Variants in ZSWIM6 observed in about 807,000 individuals in gnomAD.
The protein encoded by ZSWIM6 is zinc finger SWIM domain-containing protein 6.
ZSWIM6 carries 9 observed loss-of-function variants against 113.2 expected under a neutral mutation model. That is an observed-to-expected ratio of 0.08 (90% CI 0.05 to 0.14). The LOEUF (loss-of-function observed/expected upper bound fraction) is 0.14, where lower values mean the gene tolerates loss of function less well. ZSWIM6 is among the 10% of genes least tolerant of loss of function. ZSWIM6 has a pLI of 1.00. For synonymous variants in ZSWIM6, 611 were observed against 606.5 expected (o/e 1.01, Z -0.11); for missense variants, 1,162 against 1,552.2 (o/e 0.75, Z 4.22).
chr5:61,444,457 A>G (rs1381429231), intron 1 of ZSWIM6, among the ~76,000 whole-genome samples: 1 of 152,170 alleles, frequency 6.6e-6, no homozygotes, highest in Admixed American at 6.5e-5. Context: ...CTTTGGGTAT[A>G]TACCCAGTAA....
At chr5:61,457,539 G>A (rs1424954403) in intron 1 of ZSWIM6, among the ~76,000 whole-genome samples, 1 of 151,430 alleles carries the variant, frequency 6.6e-6, no homozygotes, top group Non-Finnish European at 1.5e-5. Flanking sequence ...TTTATTTTTT[G>A]AGACAGAGTT....
In ZSWIM6 at chr5:61,431,500, C is replaced by T. The variant is rs181206172; in HGVS notation, c.677-41181C>T. On this transcript the variant is annotated intron_variant, in intron 1 of 13. Coordinates refer to ENST00000252744, the MANE Select transcript of ZSWIM6 (RefSeq NM_020928.2). ...GTAGCTCACCCCTGAAATCCCAGCA[C>T]TTTGGGAGACCGAGGCAGGCAGATC... 2.5e-3 allele frequency among the ~76,000 whole-genome samples: 376 copies of T among 151,526 alleles called. 3 individuals are homozygous for T. Among genetic ancestry groups the T allele is most frequent in the Admixed American group, 0.023 (352 of 15,222 alleles).
At chr5:61,362,231 C>G (rs1214289883) in intron 1 of ZSWIM6, among the ~76,000 whole-genome samples, 1 of 151,280 alleles carries the variant, frequency 6.6e-6, no homozygotes, top group East Asian at 1.9e-4. Context: ...CAGTGTCTCG[C>G]TCTGTACCCC....
chr5:61,391,251 C>G (rs1016640949), intron 1 of ZSWIM6: 16 of 900,616 alleles, frequency 1.8e-5, no homozygotes, highest in Non-Finnish European at 3.0e-5. Context: ...ACACTTGGTT[C>G]ACAGGTACCT....
Position 61,539,764 on chromosome 5 carries a change from A to G in ZSWIM6, c.2703+5A>G, listed in dbSNP as rs1191898299. 1 of 1,549,510 alleles carries G rather than the reference A, an allele frequency of 6.5e-7. No individual in the cohort carries two copies. The highest frequency in any genetic ancestry group is 8.7e-7 in the Non-Finnish European group (1 of 1,145,788). Reference sequence around the variant, plus strand: ...TCTCTGGAGCTGGGCCTGCAGGTACATGACTGGTAGTCTTTCCTGGGACAT... The same window carrying G: ...TCTCTGGAGCTGGGCCTGCAGGTACGTGACTGGTAGTCTTTCCTGGGACAT... On this transcript the variant is annotated splice_donor_5th_base_variant and intron_variant, in intron 12 of 13. Coordinates refer to ENST00000252744, the MANE Select transcript of ZSWIM6 (RefSeq NM_020928.2).
intron 1 of ZSWIM6, among the ~76,000 whole-genome samples, chr5:61,442,109 G>A (rs1746851347): frequency 6.6e-6 from 1 of 152,150 alleles, no homozygotes; most frequent in African/African-American, 2.4e-5. Flanking sequence ...GCCAATCATG[G>A]TGGGTGTGGG....
chr5:61,423,573 C>T (rs1377262438), intron 1 of ZSWIM6, among the ~76,000 whole-genome samples: 1 of 152,122 alleles, frequency 6.6e-6, no homozygotes, highest in Non-Finnish European at 1.5e-5. Context: ...GAGGCAACCA[C>T]TTTTAGTGAA....
At chr5:61,391,726 T>C in intron 1 of ZSWIM6, 1 of 1,151,922 alleles carries the variant, frequency 8.7e-7, no homozygotes, top group Non-Finnish European at 1.3e-6. Context: ...GCCAGCCTTG[T>C]ATCCCAGGAA....
intron 1 of ZSWIM6, among the ~76,000 whole-genome samples, chr5:61,469,526 A>G (rs902327093): frequency 2.6e-5 from 4 of 152,220 alleles, no homozygotes; most frequent in African/African-American, 2.4e-5. Flanking sequence ...CTTTACAAGA[A>G]TAGTAAATTT....
At chr5:61,477,196 T>C (rs1252507577) in intron 2 of ZSWIM6, among the ~76,000 whole-genome samples, 1 of 152,126 alleles carries the variant, frequency 6.6e-6, no homozygotes, top group Non-Finnish European at 1.5e-5. Context: ...AGGGACAGTC[T>C]GATGGGAAAC....
intron 4 of ZSWIM6, among the ~76,000 whole-genome samples, chr5:61,499,359 GTCTC>G (rs144116198): frequency 2.0e-5 from 3 of 152,064 alleles, no homozygotes; most frequent in African/African-American, 4.8e-5. Flanking sequence ...TCTTATTGTG[GTCTC>G]TCTATCAGTG....
intron 1 of ZSWIM6, among the ~76,000 whole-genome samples, chr5:61,403,186 A>G (rs1045257895): frequency 2.0e-5 from 3 of 152,224 alleles, no homozygotes; most frequent in African/African-American, 7.2e-5. Flanking sequence ...AGGTAACTCT[A>G]GTCCTTTAAG....
intron 1 of ZSWIM6, among the ~76,000 whole-genome samples, chr5:61,396,788 C>T (rs1411018491): frequency 6.6e-6 from 1 of 151,796 alleles, no homozygotes; most frequent in Non-Finnish European, 1.5e-5. Context: ...TTACCTGTTG[C>T]TAAATAAAAA....
chr5:61,366,472 T>C (rs1266454959), intron 1 of ZSWIM6, among the ~76,000 whole-genome samples: 1 of 152,206 alleles, frequency 6.6e-6, no homozygotes, highest in African/African-American at 2.4e-5. Flanking sequence ...CAAAACTAGA[T>C]GTTACAATGT....
intron 5 of ZSWIM6, 82 bp from the exon 6 acceptor site, chr5:61,525,718 C>A: frequency 6.7e-7 from 1 of 1,482,912 alleles, no homozygotes; most frequent in Non-Finnish European, 9.1e-7. Flanking sequence ...TGTTCATGAA[C>A]ATCTGGCCAC....
At chr5:61,423,713 C>T (rs1579989160) in intron 1 of ZSWIM6, among the ~76,000 whole-genome samples, 2 of 152,276 alleles carry the variant, frequency 1.3e-5, no homozygotes, top group African/African-American at 4.8e-5. Flanking sequence ...GCATTCAGCA[C>T]TGCACAAATT....
At chr5:61,351,170 A>AT in intron 1 of ZSWIM6, among the ~76,000 whole-genome samples, 1 of 152,216 alleles carries the variant, frequency 6.6e-6, no homozygotes, top group African/African-American at 2.4e-5. Context: ...ATCGAGGTGT[A>AT]TCATGCCTTA....
At chr5:61,446,631 A>G (rs535448504) in intron 1 of ZSWIM6, among the ~76,000 whole-genome samples, 86 of 152,342 alleles carry the variant, frequency 5.6e-4, no homozygotes, top group African/African-American at 2.0e-3. Flanking sequence ...ACAAAAATAT[A>G]TACTAACAAT....
intron 9 of ZSWIM6, among the ~76,000 whole-genome samples, chr5:61,532,336 G>A (rs915943130): frequency 1.3e-5 from 2 of 152,168 alleles, no homozygotes; most frequent in Non-Finnish European, 2.9e-5. Flanking sequence ...GTTTTAAAGG[G>A]CCTAACAAAT....
Sources: allele counts gnomAD v4.1 joint callset (sites outside exome capture counted in the v4.1 genomes callset), GRCh38; gene constraint gnomAD v4.1.1; transcripts MANE v1.5; gene names NCBI Gene and HGNC (gene_info 2026-07-23, HGNC 2026-07-21).